NRXN3: variants seen among roughly 807,000 people sequenced by gnomAD.
NRXN3 encodes the protein neurexin 3.
NRXN3 carries 32 observed loss-of-function variants against 137.6 expected under a neutral mutation model. The observed-to-expected ratio is 0.23, with a 90% CI of 0.18 to 0.31. The LOEUF is 0.31. Among genes scored for constraint, NRXN3 ranks in the 10% least tolerant of loss-of-function variants. The pLI is 1.00. For synonymous variants in NRXN3, 798 were observed against 784.5 expected (o/e 1.02, Z -0.29); for missense variants, 1,574 against 2,062.5 (o/e 0.76, Z 4.59).
At chr14:79,591,515 C>T (rs950989245) in intron 16 of NRXN3, among the ~76,000 whole-genome samples, 25 of 152,124 alleles carry the variant, frequency 1.6e-4, no homozygotes, top group African/African-American at 5.8e-4. Context: ...AACAAATCTG[C>T]AAAGAAAAAG....
intron 16 of NRXN3, among the ~76,000 whole-genome samples, chr14:79,504,639 T>TATATATATA (rs60009832): frequency 0.038 from 3,499 of 92,698 alleles, 295 homozygotes; most frequent in African/African-American, 0.062. Context: ...AAATGAAGTT[T>TATATATATA]TTTATATATA....
Position 79,378,026 on chromosome 14 carries a change from T to C in NRXN3, c.3263-89195T>C, listed in dbSNP as rs543272133. Among the ~76,000 whole-genome samples, 5 of 152,264 alleles carry C rather than the reference T, an allele frequency of 3.3e-5. No homozygotes were observed. The South Asian group carries it at 1.0e-3, about 32-fold the overall frequency. Reference sequence around the variant, plus strand: ...AAGTTGGCTTGCAAACCAAAAAAGGTTAAACACTTGTCATGGCCTCAGGCT... The same window carrying C: ...AAGTTGGCTTGCAAACCAAAAAAGGCTAAACACTTGTCATGGCCTCAGGCT... On this transcript the variant is annotated intron_variant, in intron 15 of 20. Transcript: ENST00000335750.
intron 16 of NRXN3, among the ~76,000 whole-genome samples, chr14:79,585,361 G>A (rs1278087844): frequency 6.6e-6 from 1 of 152,140 alleles, no homozygotes; most frequent in Non-Finnish European, 1.5e-5. Flanking sequence ...TAGAGGCATA[G>A]CCTGAGAAGA....
intron 1 of NRXN3, among the ~76,000 whole-genome samples, chr14:78,202,056 A>G (rs2061732603): frequency 6.6e-6 from 1 of 152,182 alleles, no homozygotes; most frequent in Non-Finnish European, 1.5e-5. Flanking sequence ...CCAGAATGAA[A>G]GCAGTGGGGA....
At chr14:79,584,651 A>G (rs1249382903) in intron 16 of NRXN3, among the ~76,000 whole-genome samples, 1 of 152,216 alleles carries the variant, frequency 6.6e-6, no homozygotes, top group East Asian at 1.9e-4. Context: ...TATTTCTCCC[A>G]CAACCCAGCT....
chr14:79,429,575 T>C (rs1039785793), intron 15 of NRXN3, among the ~76,000 whole-genome samples: 2 of 152,208 alleles, frequency 1.3e-5, no homozygotes, highest in African/African-American at 4.8e-5. Context: ...GTTATTAAAC[T>C]GGATAGCTCA....
Position 79,527,956 on chromosome 14 carries a change from C to A in NRXN3, c.3444+60554C>A, listed in dbSNP as rs550520318. Reference sequence around the variant, plus strand: ...AGTAACAGATAAAACCTATCATTGGCAGCAACCCAGGCAAGCATTTATTTC... The same window carrying A: ...AGTAACAGATAAAACCTATCATTGGAAGCAACCCAGGCAAGCATTTATTTC... On this transcript the variant is annotated intron_variant, in intron 16 of 20. Transcript: ENST00000335750. Among the ~76,000 whole-genome samples the A allele has an allele frequency of 2.6e-4, 40 of 151,576 alleles. No individual in the cohort carries two copies. In the East Asian group the frequency reaches 2.7e-3, roughly 10 times the overall value.
intron 16 of NRXN3, among the ~76,000 whole-genome samples, chr14:79,590,112 G>C (rs1200829822): frequency 6.6e-6 from 1 of 152,036 alleles, no homozygotes; most frequent in Non-Finnish European, 1.5e-5. Context: ...ATACAGTTTG[G>C]CTGTGTCCCC....
chr14:79,441,377 T>C (rs1220912191), intron 15 of NRXN3, among the ~76,000 whole-genome samples: 30 of 117,152 alleles, frequency 2.6e-4, no homozygotes, highest in African/African-American at 1.2e-3. Context: ...TTTTTTTTTT[T>C]TTTTTTTTTT....
chr14:79,184,977 G>A (rs2063347029), intron 15 of NRXN3, among the ~76,000 whole-genome samples: 1 of 152,074 alleles, frequency 6.6e-6, no homozygotes. Flanking sequence ...GAGTTGTGCT[G>A]TAATTTTATT....
chr14:79,374,161 C>T (rs931677861), intron 15 of NRXN3, among the ~76,000 whole-genome samples: 2 of 152,088 alleles, frequency 1.3e-5, no homozygotes, highest in African/African-American at 4.8e-5. Flanking sequence ...GAAATAGTCT[C>T]ATTGTACTAT....
At chr14:78,725,526 C>T (rs2098479061) in intron 8 of NRXN3, among the ~76,000 whole-genome samples, 1 of 152,222 alleles carries the variant, frequency 6.6e-6, no homozygotes, top group South Asian at 2.1e-4. Context: ...ATGAAACTTT[C>T]ACAAGCAACC....
intron 1 of NRXN3, among the ~76,000 whole-genome samples, chr14:78,199,946 G>A (rs61636440): frequency 0.069 from 10,452 of 152,264 alleles, 1,172 homozygotes; most frequent in African/African-American, 0.23. Flanking sequence ...GCGAGTGTCA[G>A]CTGCTTTGGA....
At chr14:78,937,358 A>G (rs922465464) in intron 10 of NRXN3, among the ~76,000 whole-genome samples, 1 of 152,152 alleles carries the variant, frequency 6.6e-6, no homozygotes, top group Non-Finnish European at 1.5e-5. Context: ...GCTGTAGTTG[A>G]TGCCTCTGCT....
chr14:79,192,765 A>ATT (rs961910712), intron 15 of NRXN3, among the ~76,000 whole-genome samples: 2,491 of 114,998 alleles, frequency 0.022, 57 homozygotes, highest in Middle Eastern at 0.035. Flanking sequence ...AATTCTCTTA[A>ATT]TTTTTTTTTT....
At chr14:78,935,359 T>C (rs1392610513) in intron 10 of NRXN3, among the ~76,000 whole-genome samples, 1 of 152,204 alleles carries the variant, frequency 6.6e-6, no homozygotes, top group Non-Finnish European at 1.5e-5. Flanking sequence ...TATCTGCTAG[T>C]CATTTCCATG....
At chr14:79,290,209 A>C (rs980225920) in intron 15 of NRXN3, among the ~76,000 whole-genome samples, 1 of 152,238 alleles carries the variant, frequency 6.6e-6, no homozygotes, top group African/African-American at 2.4e-5. Context: ...TGTAGTTTAC[A>C]GATTATATGC....
chr14:79,232,612 T>C (rs2072458068), intron 15 of NRXN3, among the ~76,000 whole-genome samples: 1 of 152,174 alleles, frequency 6.6e-6, no homozygotes, highest in Admixed American at 6.6e-5. Context: ...GCTTTCTAGT[T>C]GGAGAAATTC....
intron 4 of NRXN3, among the ~76,000 whole-genome samples, chr14:78,600,550 A>G (rs902308536): frequency 6.6e-6 from 1 of 152,130 alleles, no homozygotes; most frequent in Admixed American, 6.5e-5. Context: ...TTCACCTTTA[A>G]TGATTTGCTT....
Sources: gnomAD v4.1 joint callset for allele counts (sites outside exome capture counted in the v4.1 genomes callset) on GRCh38, gnomAD v4.1.1 for gene constraint, MANE v1.5 for transcripts, NCBI Gene and HGNC (gene_info 2026-07-23, HGNC 2026-07-21) for gene names.